The following MAF variants were observed in gnomAD, a reference collection of about 807,000 sequenced individuals.
MAF encodes the protein transcription factor Maf.
In MAF, 10 loss-of-function variants were observed where a neutral mutation model predicts 22.0. That is an observed-to-expected ratio of 0.45 (90% CI 0.28 to 0.77). The LOEUF is 0.77. Ranked by LOEUF, MAF falls within the 30% of genes least tolerant of loss-of-function variation. MAF has a pLI of 0.12. For missense variants in MAF, 544 were observed against 548.4 expected (o/e 0.99, Z 0.08); for synonymous variants, 337 against 255.8 (o/e 1.32, Z -3.03).
the MAF span, among the ~76,000 whole-genome samples, chr16:79,562,431 C>A: frequency 6.6e-6 from 1 of 152,172 alleles, no homozygotes; most frequent in Non-Finnish European, 1.5e-5. Context: ...ACTCCCTCAC[C>A]AGCTCCAGGA....
At chr16:79,485,267 A>T in the MAF span, among the ~76,000 whole-genome samples, 2 of 152,164 alleles carry the variant, frequency 1.3e-5, no homozygotes, top group Non-Finnish European at 1.5e-5. Context: ...CAGAAATAAT[A>T]ATACTACTTG....
chr16:79,520,206 C>A, the MAF span, among the ~76,000 whole-genome samples: 5 of 152,226 alleles, frequency 3.3e-5, no homozygotes, highest in African/African-American at 1.2e-4. Flanking sequence ...CTCTTCTTAG[C>A]AGCTGGGGCC....
At chr16:79,578,712 A>T in the MAF span, among the ~76,000 whole-genome samples, 1 of 152,210 alleles carries the variant, frequency 6.6e-6, no homozygotes, top group Non-Finnish European at 1.5e-5. Flanking sequence ...TGAGAAATAG[A>T]TAAATAAATT....
At chr16:79,454,233 A>G in the MAF span, among the ~76,000 whole-genome samples, 6 of 152,210 alleles carry the variant, frequency 3.9e-5, no homozygotes, top group Non-Finnish European at 8.8e-5. Flanking sequence ...GTGTGGACCC[A>G]GAGCCCAAGC....
chr16:79,413,406 G>C, the MAF span, among the ~76,000 whole-genome samples: 2 of 103,878 alleles, frequency 1.9e-5, 1 homozygote, highest in African/African-American at 6.2e-5. Flanking sequence ...ACCTCGCCCG[G>C]CTAATTTTTT....
the MAF span, among the ~76,000 whole-genome samples, chr16:79,239,502 C>T: frequency 1.3e-5 from 2 of 152,086 alleles, no homozygotes; most frequent in African/African-American, 4.8e-5. Flanking sequence ...GGTTCTCACT[C>T]ACACTGGGTT....
chr16:79,496,691 A>T, the MAF span, among the ~76,000 whole-genome samples: 2 of 152,244 alleles, frequency 1.3e-5, no homozygotes, highest in Non-Finnish European at 2.9e-5. Flanking sequence ...AGATGGCAGG[A>T]TCTAGAGATG....
chr16:79,413,259 T>TTTTTTTC, the MAF span, among the ~76,000 whole-genome samples: 1 of 94,486 alleles, frequency 1.1e-5, no homozygotes, highest in African/African-American at 4.2e-5. Flanking sequence ...TTTTTTTTTT[T>TTTTTTTC]TGAGACGGAG....
the MAF span, among the ~76,000 whole-genome samples, chr16:79,531,996 C>T: frequency 6.6e-6 from 1 of 152,062 alleles, no homozygotes; most frequent in African/African-American, 2.4e-5. Flanking sequence ...CATAGGGTTG[C>T]CAGAAACAAT....
chr16:79,597,458 T>C lies in MAF; in HGVS notation c.1118+1327A>G, dbSNP rs919842690. 3 of 1,027,584 alleles carry C rather than the reference T, an allele frequency of 2.9e-6. No homozygotes were observed. In the African/African-American group the frequency reaches 5.1e-5, roughly 17 times the overall value. The allele number at this position is 1,027,584 out of a possible 1,614,324, so 63.7% of individuals were successfully genotyped here. On this transcript the variant is annotated intron_variant, in intron 1 of 1. Coordinates refer to ENST00000326043, the MANE Select transcript of MAF (RefSeq NM_005360.5). ...CTTCTCGGCAATAGCACAATTTTAG[T>C]CCCCAAAGTGGGGCGTCATTCTTAT...
chr16:79,240,199 C>T, the MAF span, among the ~76,000 whole-genome samples: 1 of 151,600 alleles, frequency 6.6e-6, no homozygotes, highest in Non-Finnish European at 1.5e-5. Flanking sequence ...ACTGGATTGA[C>T]ATTCAGGACT....
chr16:79,422,546 G>A, the MAF span, among the ~76,000 whole-genome samples: 1 of 152,244 alleles, frequency 6.6e-6, no homozygotes, highest in East Asian at 1.9e-4. Context: ...TTAAATTGAG[G>A]AGACAGCTTG....
At chr16:79,246,716 A>C in the MAF span, among the ~76,000 whole-genome samples, 1 of 152,166 alleles carries the variant, frequency 6.6e-6, no homozygotes, top group African/African-American at 2.4e-5. Context: ...ATATGTGGTA[A>C]ATAATCTGTG....
the MAF span, among the ~76,000 whole-genome samples, chr16:79,539,360 G>A: frequency 1.6e-4 from 24 of 152,194 alleles, no homozygotes; most frequent in Admixed American, 3.9e-4. Context: ...GAAATTGGCC[G>A]GGCTTGGTGG....
the MAF span, among the ~76,000 whole-genome samples, chr16:79,273,342 C>T: frequency 6.6e-5 from 10 of 152,110 alleles, no homozygotes; most frequent in East Asian, 1.9e-4. Flanking sequence ...TTAAAGTGGA[C>T]GTTAGACTTT....
the MAF span, among the ~76,000 whole-genome samples, chr16:79,481,280 T>A: frequency 1.3e-5 from 2 of 152,024 alleles, no homozygotes; most frequent in Non-Finnish European, 2.9e-5. Flanking sequence ...TATATATGTA[T>A]CATAAAATTC....
the MAF span, among the ~76,000 whole-genome samples, chr16:79,497,099 A>T: frequency 6.6e-6 from 1 of 152,208 alleles, no homozygotes; most frequent in African/African-American, 2.4e-5. Context: ...CTCCACCAAA[A>T]TGCAATGCCA....
the MAF span, among the ~76,000 whole-genome samples, chr16:79,447,526 T>C: frequency 1.3e-5 from 2 of 152,196 alleles, no homozygotes; most frequent in South Asian, 4.2e-4. Context: ...AAGAAATACA[T>C]TTCATAAGGC....
chr16:79,260,505 A>ATATCTATATC, the MAF span, among the ~76,000 whole-genome samples: 1 of 151,728 alleles, frequency 6.6e-6, no homozygotes, highest in Non-Finnish European at 1.5e-5. Context: ...ATCTATATCT[A>ATATCTATATC]TATATTTGTC....
Sources: gnomAD v4.1 joint callset for allele counts (sites outside exome capture counted in the v4.1 genomes callset) on GRCh38, gnomAD v4.1.1 for gene constraint, MANE v1.5 for transcripts, NCBI Gene and HGNC (gene_info 2026-07-23, HGNC 2026-07-21) for gene names.